Variants in OR51M1 observed in about 807,000 individuals in gnomAD.
OR51M1 encodes olfactory receptor 51M1.
For synonymous variants in OR51M1, 199 were observed against 155.1 expected (o/e 1.28, Z -2.10); for missense variants, 509 against 404.4 (o/e 1.26, Z -2.22).
At chr11:5,387,409 T>C (rs181203144) in intron 2 of OR51M1, among the ~76,000 whole-genome samples, 1 of 152,296 alleles carries the variant, frequency 6.6e-6, no homozygotes, top group African/African-American at 2.4e-5. Flanking sequence ...GGGTGGTTGG[T>C]TGAGTAGTAA....
intron 2 of OR51M1, among the ~76,000 whole-genome samples, chr11:5,389,109 G>C (rs7935524): frequency 6.6e-6 from 1 of 151,664 alleles, no homozygotes. Context: ...ATATGGCCAG[G>C]AAATTGCCAA....
At chr11:5,388,643 A>G (rs1186004748) in intron 2 of OR51M1, among the ~76,000 whole-genome samples, 2 of 150,998 alleles carry the variant, frequency 1.3e-5, no homozygotes, top group Non-Finnish European at 2.9e-5. Flanking sequence ...ATATACACGG[A>G]GAGAAAATAA....
chr11:5,390,165 C>G lies in OR51M1; in HGVS notation c.767C>G (p.Pro256Arg), dbSNP rs9783355. 1.2e-6 allele frequency: 2 copies of G among 1,613,672 alleles called. No individual in the cohort carries two copies. Among genetic ancestry groups the G allele is most frequent in the Non-Finnish European group, 1.7e-6 (2 of 1,179,802 alleles). ...QRRAFQTCTA[P>R]LCAVLVFFVP... ...CGTGCCTTTCAGACATGCACCGCTCCTCTCTGTGCTGTGCTAGTATTCTTT... is the reference window on the plus strand; with the variant it reads ...CGTGCCTTTCAGACATGCACCGCTCGTCTCTGTGCTGTGCTAGTATTCTTT... Residue 256 changes from proline (P) to arginine (R), a missense_variant, in exon 3 of 3, where the codon CCT becomes CGT. Physicochemically the swap from Pro to Arg is moderately radical, Grantham distance 103. Transcript: ENST00000642046.
At position 5,393,017 on chromosome 11, in the gene OR51M1, A is replaced by G. The variant is rs1162766051; in HGVS notation, c.*2638A>G. On this transcript the variant is annotated 3_prime_UTR_variant, in exon 3 of 3. Transcript: ENST00000642046. ...GAAAACATAATTTAATTTGCCTTTT[A>G]TAAAAAACAAAATACATCAAAAGAC... is the stretch of plus-strand genomic sequence containing the variant. 1 of 152,258 alleles carries G rather than the reference A, an allele frequency of 6.6e-6. No homozygotes were observed. Among genetic ancestry groups the G allele is most frequent in the East Asian group, 1.9e-4 (1 of 5,204 alleles). 9.4% of individuals were successfully genotyped at this position (152,258 alleles called of 1,614,324 possible). A position where few individuals can be genotyped will look rare whatever the true frequency, so the allele number is the denominator to read the frequency against.
At position 5,389,382 on chromosome 11, in the gene OR51M1, A is replaced by G. The variant is rs1849752822; in HGVS notation, c.-15-2A>G. 1.2e-6 allele frequency: 2 copies of G among 1,606,008 alleles called. No homozygotes were observed. Among genetic ancestry groups the G allele is most frequent in the Non-Finnish European group, 1.7e-6 (2 of 1,174,742 alleles). Reference sequence around the variant, plus strand: ...TAACCAGAAATATCCATTTATTTTCAGCTCAATCCCCGAGGAATGTCAGTC... The same window carrying G: ...TAACCAGAAATATCCATTTATTTTCGGCTCAATCCCCGAGGAATGTCAGTC... On this transcript the variant is annotated splice_acceptor_variant, in intron 2 of 2. Coordinates refer to ENST00000642046, the MANE Select transcript of OR51M1 (RefSeq NM_001004756.3). LOFTEE classifies it low-confidence loss of function (5UTR_SPLICE).
Position 5,390,563 on chromosome 11 carries a change from A to C in OR51M1, c.*184A>C. ...CTGAACTTCTCTTGCTTAGATTTTA[A>C]TGGCTCCTCCTACAGCTGAGAACTG... On this transcript the variant is annotated 3_prime_UTR_variant, in exon 3 of 3. Transcript: ENST00000642046. 1.7e-6 allele frequency: 1 copy of C among 579,196 alleles called. No individual in the cohort carries two copies. The highest frequency in any genetic ancestry group is 3.0e-6 in the Non-Finnish European group (1 of 337,052). The allele number at this position is 579,196 out of a possible 1,614,324, so 35.9% of individuals were successfully genotyped here.
intron 2 of OR51M1, among the ~76,000 whole-genome samples, chr11:5,386,618 T>A (rs1258525800): frequency 6.6e-6 from 1 of 151,994 alleles, no homozygotes; most frequent in Admixed American, 6.6e-5. Flanking sequence ...ATTCATAGAG[T>A]TAGTACTTTC....
Position 5,390,504 on chromosome 11 carries a change from G to A in OR51M1, c.*125G>A, listed in dbSNP as rs1691195510. ...TGCCCCTGTCCTAAATAAAATATGG[G>A]CAAATTTATGTCTGGAGTTGTGGCT... On this transcript the variant is annotated 3_prime_UTR_variant, in exon 3 of 3. Transcript: ENST00000642046. The A allele has an allele frequency of 7.8e-6, 6 of 772,580 alleles. No individual in the cohort carries two copies. Among genetic ancestry groups the A allele is most frequent in the Middle Eastern group, 3.9e-4 (1 of 2,592 alleles). The allele number at this position is 772,580 out of a possible 1,614,324, so 47.9% of individuals were successfully genotyped here. A position where few individuals can be genotyped will look rare whatever the true frequency, so the allele number is the denominator to read the frequency against.
Position 5,392,927 on chromosome 11 carries a change from G to C in OR51M1, c.*2548G>C, listed in dbSNP as rs11037207. The C allele has an allele frequency of 4.2e-5, 2 of 48,126 alleles. No individual in the cohort carries two copies. Among genetic ancestry groups the C allele is most frequent in the Admixed American group, 1.9e-4 (1 of 5,266 alleles). 3.0% of individuals were successfully genotyped at this position (48,126 alleles called of 1,614,324 possible). On this transcript the variant is annotated 3_prime_UTR_variant, in exon 3 of 3. Transcript: ENST00000642046. ...ACTCCTTCTCAAAAACAAAAAAAAA[G>C]AAAAATAAATAAATATCTGTGCTGT...
At chr11:5,387,383 T>A (rs1311742425) in intron 2 of OR51M1, among the ~76,000 whole-genome samples, 1 of 151,896 alleles carries the variant, frequency 6.6e-6, no homozygotes, top group African/African-American at 2.4e-5. Flanking sequence ...AAGTGGGTTT[T>A]AAAAAAAACA....
chr11:5,390,402 T>G lies in OR51M1; in HGVS notation c.*23T>G. On this transcript the variant is annotated 3_prime_UTR_variant, in exon 3 of 3. Coordinates refer to ENST00000642046, the MANE Select transcript of OR51M1 (RefSeq NM_001004756.3). ...TGAGTCCTGGGGCTAAAACTCCCCC[T>G]AGAGGCCTATAAGAAGGCCCCAAAT... is the stretch of plus-strand genomic sequence containing the variant. 1.3e-6 allele frequency: 2 copies of G among 1,538,694 alleles called. No homozygotes were observed. Among genetic ancestry groups the G allele is most frequent in the Non-Finnish European group, 1.8e-6 (2 of 1,140,154 alleles).
chr11:5,388,128 A>T lies in OR51M1; in HGVS notation c.-15-1256A>T, dbSNP rs548484850. Reference sequence around the variant, plus strand: ...GAAATAATTGAATATTGAAATAATTATTGAAATAAGATTAATGGTAATGAT... The same window carrying T: ...GAAATAATTGAATATTGAAATAATTTTTGAAATAAGATTAATGGTAATGAT... On this transcript the variant is annotated intron_variant, in intron 2 of 2. Transcript: ENST00000642046. Among the ~76,000 whole-genome samples the T allele has an allele frequency of 3.3e-5, 5 of 152,292 alleles. No individual in the cohort carries two copies. The South Asian group carries it at 8.3e-4, about 25-fold the overall frequency.
rs776850628 is a variant in OR51M1 at position 5,390,077 on chromosome 11, G to A, written c.679G>A (p.Ala227Thr). 6.2e-6 allele frequency: 10 copies of A among 1,613,460 alleles called. No homozygotes were observed. The highest frequency in any genetic ancestry group is 2.2e-5 in the East Asian group (1 of 44,886). The change falls in exon 3 of 3, where the codon GCA becomes ACA. Residue 227 changes from alanine (A) to threonine (T), a missense_variant. Transcript: ENST00000642046. ...FTVMLDLVLI[A>T]LSYGLILHTV... ...TGTGATGCTGGACCTGGTGCTCATC[G>A]CACTGTCCTATGGACTCATCCTGCA... is the stretch of plus-strand genomic sequence containing the variant.
In OR51M1 at chr11:5,390,305, A is replaced by G; in HGVS notation, c.907A>G (p.Ile303Val). 2 of 1,613,762 alleles carry G rather than the reference A, an allele frequency of 1.2e-6. No homozygotes were observed. Among genetic ancestry groups the G allele is most frequent in the Non-Finnish European group, 1.7e-6 (2 of 1,179,800 alleles). The change falls in exon 3 of 3, where the codon ATA (isoleucine) becomes GTA (valine). Residue 303 changes from isoleucine to valine, a missense_variant. By Grantham distance (29) the Ile-to-Val change is conservative. Transcript: ENST00000642046. The part of the protein sequence containing the change: ...LFVPPMLNPI[I>V]YSIKTKEIHR... The stretch of plus-strand genomic sequence containing the variant: ...TGTGCCTCCCATGCTTAACCCAATC[A>G]TATACAGCATTAAGACCAAGGAGAT...
chr11:5,386,698 G>C (rs1275074734), intron 2 of OR51M1, among the ~76,000 whole-genome samples: 1 of 152,070 alleles, frequency 6.6e-6, no homozygotes, highest in African/African-American at 2.4e-5. Context: ...CATGTTGAAT[G>C]ACAGGTCAGG....
At chr11:5,389,309 A>G in intron 2 of OR51M1, 75 bp from the exon 3 acceptor site, 1 of 1,242,222 alleles carries the variant, frequency 8.1e-7, no homozygotes, top group Non-Finnish European at 1.2e-6. Context: ...GATGATGACC[A>G]TGGTACTGCT....
intron 2 of OR51M1, 123 bp from the exon 3 acceptor site, chr11:5,389,261 G>A (rs1849751115): frequency 2.4e-6 from 2 of 835,950 alleles, no homozygotes; most frequent in Admixed American, 4.6e-5. Context: ...AGTGAGATTG[G>A]CAGAATTCAT....
chr11:5,386,722 A>G (rs1211620305), intron 2 of OR51M1, among the ~76,000 whole-genome samples: 2 of 152,258 alleles, frequency 1.3e-5, no homozygotes, highest in East Asian at 1.9e-4. Flanking sequence ...GCAGGTGTGG[A>G]AAAGCTAAGA....
chr11:5,390,635 G>T lies in OR51M1; in HGVS notation c.*256G>T, dbSNP rs924493777. On this transcript the variant is annotated 3_prime_UTR_variant, in exon 3 of 3. Coordinates refer to ENST00000642046, the MANE Select transcript of OR51M1 (RefSeq NM_001004756.3). The stretch of plus-strand genomic sequence containing the variant: ...CTATCCAGAAGGCAACTTTATTGAA[G>T]GTCATCATCAATGTAACTAAAACTA... 1 of 416,116 alleles carries T rather than the reference G, an allele frequency of 2.4e-6. No individual in the cohort carries two copies. Among genetic ancestry groups the T allele is most frequent in the South Asian group, 6.4e-5 (1 of 15,650 alleles). The allele number at this position is 416,116 out of a possible 1,614,324, so 25.8% of individuals were successfully genotyped here. A position where few individuals can be genotyped will look rare whatever the true frequency, so the allele number is the denominator to read the frequency against.
Sources: gnomAD v4.1 joint callset for allele counts (sites outside exome capture counted in the v4.1 genomes callset) on GRCh38, gnomAD v4.1.1 for gene constraint, MANE v1.5 for transcripts, NCBI Gene and HGNC (gene_info 2026-07-23, HGNC 2026-07-21) for gene names.